Variants in ADAMTS3 observed in about 807,000 individuals in gnomAD.
The protein encoded by ADAMTS3 is ADAM metallopeptidase with thrombospondin type 1 motif 3.
ADAMTS3 carries 73 observed loss-of-function variants against 129.0 expected under a neutral mutation model. That is an observed-to-expected ratio of 0.57 (90% CI 0.47 to 0.69). The LOEUF (loss-of-function observed/expected upper bound fraction) is 0.69. Ranked by LOEUF, ADAMTS3 falls within the 30% of genes least tolerant of loss-of-function variation. ADAMTS3 has a pLI of 0.00. For missense variants in ADAMTS3, 1,457 were observed against 1,514.5 expected (o/e 0.96, Z 0.63); for synonymous variants, 477 against 510.8 (o/e 0.93, Z 0.89).
chr4:72,567,344 A>ACT, intron 2 of ADAMTS3, 30 bp downstream of exon 2: 1 of 1,595,504 alleles, frequency 6.3e-7, no homozygotes, highest in African/African-American at 1.6e-5. Context: ...TCAACTTAAG[A>ACT]TAAGAGTGAC....
At chr4:72,535,803 C>T (rs1721172613) in intron 3 of ADAMTS3, among the ~76,000 whole-genome samples, 1 of 151,984 alleles carries the variant, frequency 6.6e-6, no homozygotes, top group Admixed American at 6.6e-5. Context: ...AAAAAAAAGA[C>T]AGCAAAAGAA....
At chr4:72,426,072 C>T (rs1009875137) in intron 3 of ADAMTS3, among the ~76,000 whole-genome samples, 5 of 152,178 alleles carry the variant, frequency 3.3e-5, no homozygotes, top group Admixed American at 6.5e-5. Context: ...ATTTGCATTT[C>T]TCTGATGGCC....
At chr4:72,517,615 T>C (rs1349884955) in intron 3 of ADAMTS3, among the ~76,000 whole-genome samples, 3 of 152,252 alleles carry the variant, frequency 2.0e-5, no homozygotes, top group African/African-American at 7.2e-5. Flanking sequence ...TTTTCTACTT[T>C]ATTTGCATAG....
At chr4:72,342,437 C>T (rs1720162597) in intron 4 of ADAMTS3, among the ~76,000 whole-genome samples, 3 of 149,904 alleles carry the variant, frequency 2.0e-5, no homozygotes, top group East Asian at 2.0e-4. Context: ...GATATAGGCT[C>T]ACTGCAACCT....
chr4:72,295,372 A>G (rs957485296), intron 19 of ADAMTS3, among the ~76,000 whole-genome samples: 1 of 152,092 alleles, frequency 6.6e-6, no homozygotes, highest in African/African-American at 2.4e-5. Context: ...ACCTCCCAAA[A>G]AAAGTCAAGG....
At chr4:72,434,164 G>A (rs1722763556) in intron 3 of ADAMTS3, among the ~76,000 whole-genome samples, 1 of 151,564 alleles carries the variant, frequency 6.6e-6, no homozygotes, top group Non-Finnish European at 1.5e-5. Context: ...AAACAAAATG[G>A]AGCTCCCCCC....
intron 3 of ADAMTS3, among the ~76,000 whole-genome samples, chr4:72,464,171 T>G (rs747161576): frequency 1.3e-5 from 2 of 152,006 alleles, no homozygotes; most frequent in African/African-American, 4.8e-5. Flanking sequence ...TGCTCACTTT[T>G]TAAATCCCCA....
intron 3 of ADAMTS3, among the ~76,000 whole-genome samples, chr4:72,471,754 A>G (rs1719080141): frequency 6.6e-6 from 1 of 152,118 alleles, no homozygotes; most frequent in Non-Finnish European, 1.5e-5. Context: ...ATGTTAATAT[A>G]TGCCAAGTTT....
At chr4:72,354,460 C>G (rs772914886) in intron 4 of ADAMTS3, among the ~76,000 whole-genome samples, 2 of 151,984 alleles carry the variant, frequency 1.3e-5, no homozygotes, top group Non-Finnish European at 2.9e-5. Flanking sequence ...TTTCATTCCT[C>G]TCCACTCTGA....
chr4:72,534,848 G>T (rs1721147296), intron 3 of ADAMTS3, among the ~76,000 whole-genome samples: 1 of 152,048 alleles, frequency 6.6e-6, no homozygotes, highest in African/African-American at 2.4e-5. Flanking sequence ...GAAAATTTTA[G>T]ATCAATGGTT....
intron 3 of ADAMTS3, among the ~76,000 whole-genome samples, chr4:72,425,162 T>C (rs984979070): frequency 2.6e-5 from 4 of 152,188 alleles, no homozygotes; most frequent in Non-Finnish European, 5.9e-5. Context: ...CACAAATATA[T>C]GAGTATTCTC....
intron 4 of ADAMTS3, among the ~76,000 whole-genome samples, chr4:72,358,881 T>TA (rs1454574092): frequency 3.3e-5 from 5 of 152,112 alleles, no homozygotes; most frequent in African/African-American, 1.2e-4. Context: ...TTTTAAAGAC[T>TA]AATGTGCATT....
chr4:72,465,185 G>C (rs1485762149), intron 3 of ADAMTS3, among the ~76,000 whole-genome samples: 2 of 152,010 alleles, frequency 1.3e-5, no homozygotes, highest in Non-Finnish European at 1.5e-5. Context: ...ACCATTTTAA[G>C]AAAGGGTAGT....
At chr4:72,567,431 A>G (rs1247859284) in intron 1 of ADAMTS3, 30 bp from the exon 2 acceptor site, 2 of 1,610,250 alleles carry the variant, frequency 1.2e-6, no homozygotes, top group African/African-American at 1.3e-5. Context: ...CAAGAAAAAG[A>G]AAGTTACTGG....
chr4:72,450,192 A>G (rs1345861884), intron 3 of ADAMTS3, among the ~76,000 whole-genome samples: 3 of 151,774 alleles, frequency 2.0e-5, no homozygotes, highest in Admixed American at 1.3e-4. Flanking sequence ...TACACTGTTT[A>G]GTTTGAAAAA....
chr4:72,414,349 T>C (rs1018009516), intron 4 of ADAMTS3, among the ~76,000 whole-genome samples: 4 of 148,950 alleles, frequency 2.7e-5, no homozygotes, highest in African/African-American at 9.8e-5. Context: ...CTCCATCTAG[T>C]AAAAGTTTTG....
At chr4:72,322,767 C>T (rs1719590839) in intron 6 of ADAMTS3, among the ~76,000 whole-genome samples, 1 of 152,126 alleles carries the variant, frequency 6.6e-6, no homozygotes, top group African/African-American at 2.4e-5. Context: ...CACCTAAAGT[C>T]AGGGTAATTA....
chr4:72,540,498 T>C lies in ADAMTS3; in HGVS notation c.504+7980A>G, dbSNP rs180831336. Among the ~76,000 whole-genome samples, 41 of 152,276 alleles carry C rather than the reference T, an allele frequency of 2.7e-4. No individual in the cohort carries two copies. The East Asian group carries it at 6.0e-3, about 22-fold the overall frequency. On this transcript the variant is annotated intron_variant, in intron 3 of 21. Transcript: ENST00000286657. Reference sequence around the variant, plus strand: ...AGAAATTCAAGCTCGCTGCAGAAATTTGCATAAATAACAAGGAGCCAAATG... The same window carrying C: ...AGAAATTCAAGCTCGCTGCAGAAATCTGCATAAATAACAAGGAGCCAAATG...
intron 2 of ADAMTS3, among the ~76,000 whole-genome samples, chr4:72,552,903 C>T (rs992044574): frequency 1.3e-5 from 2 of 152,140 alleles, no homozygotes; most frequent in Non-Finnish European, 2.9e-5. Context: ...ATAAATTTTA[C>T]TTATGTGTTT....
Sources: gnomAD v4.1 joint callset for allele counts (sites outside exome capture counted in the v4.1 genomes callset) on GRCh38, gnomAD v4.1.1 for gene constraint, MANE v1.5 for transcripts, NCBI Gene and HGNC (gene_info 2026-07-23, HGNC 2026-07-21) for gene names.